The following NAV2 variants were observed in gnomAD, a reference collection of about 807,000 sequenced individuals.
NAV2 encodes the protein helicase, APC down-regulated 1.
In NAV2, 54 loss-of-function variants were observed where a neutral mutation model predicts 223.2. That is an observed-to-expected ratio of 0.24 (90% CI 0.19 to 0.30). NAV2 has a LOEUF of 0.30. NAV2 is among the 10% of genes least tolerant of loss of function. The probability of loss-of-function intolerance (pLI) is 1.00; values close to 1 mark genes in which losing one functional copy is unlikely to be tolerated. For missense variants in NAV2, 2,806 were observed against 3,147.5 expected, an observed-to-expected ratio of 0.89 and a Z score of 2.60; for synonymous variants, 1,279 against 1,239.3, an observed-to-expected ratio of 1.03 and a Z score of -0.67.
chr11:19,705,568 T>G (rs2049637512), intron 1 of NAV2, among the ~76,000 whole-genome samples: 1 of 152,142 alleles, frequency 6.6e-6, no homozygotes, highest in Non-Finnish European at 1.5e-5. Context: ...CTCGTGGCCA[T>G]CCCTGATTAC....
At chr11:20,043,138 C>T (rs1047082096) in intron 12 of NAV2, among the ~76,000 whole-genome samples, 2 of 152,174 alleles carry the variant, frequency 1.3e-5, no homozygotes, top group Non-Finnish European at 2.9e-5. Context: ...CCCCTCAGCT[C>T]CTGGCTCTCC....
chr11:20,080,212 G>A lies in NAV2; in HGVS notation c.5325+3G>A, dbSNP rs375399029. On this transcript the variant is annotated splice_donor_region_variant and intron_variant, in intron 25 of 37. Transcript: ENST00000349880. ...AGAAGAAGAAGCGGAAGAACTGGGT[G>A]AGTGCACATCCACTCTCCTGGGGAC... The A allele has an allele frequency of 6.2e-6, 10 of 1,613,092 alleles. No homozygotes were observed. Among genetic ancestry groups the A allele is most frequent in the Non-Finnish European group, 8.5e-6 (10 of 1,179,372 alleles).
At chr11:19,737,526 G>T (rs2052437105) in intron 1 of NAV2, among the ~76,000 whole-genome samples, 1 of 152,142 alleles carries the variant, frequency 6.6e-6, no homozygotes, top group African/African-American at 2.4e-5. Context: ...GGTAGAAGGT[G>T]GTATAACCTG....
chr11:19,546,873 G>A (rs1296499637), intron 1 of NAV2, among the ~76,000 whole-genome samples: 2 of 152,132 alleles, frequency 1.3e-5, no homozygotes, highest in Admixed American at 1.3e-4. Context: ...AAATAAGGAA[G>A]CTCTAGGATT....
intron 1 of NAV2, among the ~76,000 whole-genome samples, chr11:19,796,720 C>A (rs1193810012): frequency 6.6e-6 from 1 of 152,166 alleles, no homozygotes. Context: ...GACTTTTTCT[C>A]ATCCAAACCT....
intron 1 of NAV2, among the ~76,000 whole-genome samples, chr11:19,678,364 A>G (rs2048780664): frequency 1.3e-5 from 2 of 152,338 alleles, no homozygotes; most frequent in Admixed American, 1.3e-4. Flanking sequence ...TGGTGGGACC[A>G]GAATAGGAGT....
chr11:19,851,043 T>C (rs1001806172), intron 3 of NAV2, among the ~76,000 whole-genome samples: 5 of 152,216 alleles, frequency 3.3e-5, no homozygotes, highest in Non-Finnish European at 7.3e-5. Context: ...TAACAAGGTA[T>C]AGCAAACACT....
At chr11:19,692,436 A>G (rs991102603) in intron 1 of NAV2, among the ~76,000 whole-genome samples, 1 of 152,260 alleles carries the variant, frequency 6.6e-6, no homozygotes, top group Non-Finnish European at 1.5e-5. Context: ...CATATGACTT[A>G]TCTGGAAACA....
chr11:19,882,695 G>A (rs1259779846), intron 5 of NAV2, among the ~76,000 whole-genome samples: 2 of 152,116 alleles, frequency 1.3e-5, no homozygotes, highest in African/African-American at 2.4e-5. Context: ...TACTACTAAC[G>A]AGTGCTTTAC....
chr11:19,646,617 G>T (rs2047822739), intron 1 of NAV2, among the ~76,000 whole-genome samples: 1 of 152,130 alleles, frequency 6.6e-6, no homozygotes, highest in Non-Finnish European at 1.5e-5. Context: ...AGCTTCCCAG[G>T]GTGTGGGGAT....
chr11:20,061,716 T>C (rs1427162835), intron 19 of NAV2, among the ~76,000 whole-genome samples: 1 of 152,126 alleles, frequency 6.6e-6, no homozygotes, highest in Non-Finnish European at 1.5e-5. Context: ...AGAAATCAAA[T>C]AAAGAATCTA....
At chr11:19,750,841 G>A (rs2053744841) in intron 1 of NAV2, among the ~76,000 whole-genome samples, 1 of 152,182 alleles carries the variant, frequency 6.6e-6, no homozygotes. Context: ...AGTCGGCATT[G>A]CTGCTCTCAT....
chr11:19,642,337 G>C (rs1481356212), intron 1 of NAV2, among the ~76,000 whole-genome samples: 2 of 152,194 alleles, frequency 1.3e-5, no homozygotes, highest in African/African-American at 2.4e-5. Context: ...GAATTGCTCA[G>C]TACAGTGTTA....
At chr11:19,853,640 T>C (rs2061262859) in intron 3 of NAV2, among the ~76,000 whole-genome samples, 1 of 152,236 alleles carries the variant, frequency 6.6e-6, no homozygotes, top group Non-Finnish European at 1.5e-5. Context: ...TTCTTTTTTC[T>C]TAGAACTATT....
At chr11:19,857,732 C>T (rs138113123) in intron 3 of NAV2, among the ~76,000 whole-genome samples, 15 of 152,218 alleles carry the variant, frequency 9.9e-5, no homozygotes, top group South Asian at 4.2e-4. Flanking sequence ...TCTGCAAAAA[C>T]GACTTGATTT....
chr11:19,773,025 T>C (rs2055843288), intron 1 of NAV2, among the ~76,000 whole-genome samples: 1 of 152,230 alleles, frequency 6.6e-6, no homozygotes, highest in African/African-American at 2.4e-5. Flanking sequence ...GAAGGTCCAC[T>C]GATGAGTAGC....
intron 11 of NAV2, among the ~76,000 whole-genome samples, chr11:20,031,099 G>A (rs1347612714): frequency 1.3e-5 from 2 of 152,162 alleles, no homozygotes; most frequent in African/African-American, 4.8e-5. Context: ...TCAGGACCAG[G>A]ACACAGGAAT....
rs564917094 is a variant in NAV2 at position 20,066,763 on chromosome 11, A to C, written c.4885-1423A>C. Among the ~76,000 whole-genome samples, 8 of 152,344 alleles carry C rather than the reference A, an allele frequency of 5.3e-5. No individual in the cohort carries two copies. In the South Asian group the frequency reaches 1.7e-3, roughly 32 times the overall value. ...TTTAAAAAATAATGGGCTTATGCCT[A>C]GTAAAATTGGATTAGGACACCTAGC... is the stretch of plus-strand genomic sequence containing the variant. On this transcript the variant is annotated intron_variant, in intron 20 of 37. Coordinates refer to ENST00000349880, the MANE Select transcript of NAV2 (RefSeq NM_145117.5).
At chr11:19,637,321 C>G (rs971562196) in intron 1 of NAV2, among the ~76,000 whole-genome samples, 4 of 152,204 alleles carry the variant, frequency 2.6e-5, no homozygotes, top group African/African-American at 9.7e-5. Flanking sequence ...TCTCTGTATT[C>G]CCTTCCCTAG....
Sources: allele counts gnomAD v4.1 joint callset (sites outside exome capture counted in the v4.1 genomes callset), GRCh38; gene constraint gnomAD v4.1.1; transcripts MANE v1.5; gene names NCBI Gene and HGNC (gene_info 2026-07-23, HGNC 2026-07-21).